Variants in CDK19 observed in about 807,000 individuals in gnomAD.
The protein encoded by CDK19 is cyclin-dependent kinase 19.
A neutral mutation model predicts 68.3 loss-of-function variants in CDK19; 20 were observed. The observed-to-expected ratio is 0.29, with a 90% confidence interval of 0.21 to 0.43. The LOEUF (loss-of-function observed/expected upper bound fraction) is 0.43, where lower values mean the gene tolerates loss of function less well. Ranked by LOEUF, CDK19 falls within the 20% of genes least tolerant of loss-of-function variation. CDK19 has a pLI of 1.00. For missense variants in CDK19, 339 were observed against 623.5 expected (o/e 0.54, Z 4.86); for synonymous variants, 221 against 222.8 (o/e 0.99, Z 0.07).
chr6:110,617,651 T>TTA (rs1164239935), intron 12 of CDK19, among the ~76,000 whole-genome samples: 8,994 of 98,496 alleles, frequency 0.091, 660 homozygotes, highest in Admixed American at 0.23. Flanking sequence ...ATAAAATTAT[T>TTA]TATATATATA....
intron 1 of CDK19, among the ~76,000 whole-genome samples, chr6:110,760,777 C>CTA (rs1316905233): frequency 2.0e-5 from 3 of 152,154 alleles, no homozygotes; most frequent in Non-Finnish European, 2.9e-5. Flanking sequence ...GAAGCAGGTA[C>CTA]TATTAACCAT....
At chr6:110,792,427 A>C (rs1372239550) in intron 1 of CDK19, among the ~76,000 whole-genome samples, 1 of 151,732 alleles carries the variant, frequency 6.6e-6, no homozygotes, top group Non-Finnish European at 1.5e-5. Context: ...TCTGTCACCC[A>C]GGCTGGAGTG....
intron 2 of CDK19, among the ~76,000 whole-genome samples, chr6:110,673,494 C>CT (rs1771192680): frequency 6.6e-6 from 1 of 151,378 alleles, no homozygotes; most frequent in South Asian, 2.1e-4. Flanking sequence ...TATGGTAACT[C>CT]TATGTTTAAT....
At chr6:110,754,142 G>A (rs767750559) in intron 1 of CDK19, among the ~76,000 whole-genome samples, 4 of 150,372 alleles carry the variant, frequency 2.7e-5, no homozygotes, top group Non-Finnish European at 4.4e-5. Flanking sequence ...CAATCCTCCC[G>A]CCTCAGCCTC....
chr6:110,759,064 C>A (rs1384918923), intron 1 of CDK19, among the ~76,000 whole-genome samples: 1 of 151,790 alleles, frequency 6.6e-6, no homozygotes, highest in African/African-American at 2.4e-5. Flanking sequence ...GAGTTTGAGA[C>A]CAGCCTGGTC....
intron 1 of CDK19, among the ~76,000 whole-genome samples, chr6:110,804,435 C>T (rs976292604): frequency 2.0e-4 from 30 of 151,722 alleles, no homozygotes; most frequent in Admixed American, 1.6e-3. Flanking sequence ...CTCTGCCTCC[C>T]GGGTTCAAGC....
At chr6:110,791,299 A>C (rs1272391633) in intron 1 of CDK19, among the ~76,000 whole-genome samples, 2 of 152,114 alleles carry the variant, frequency 1.3e-5, no homozygotes, top group Non-Finnish European at 2.9e-5. Context: ...AAAATGTAGA[A>C]CAGTGATTTT....
At chr6:110,626,728 T>A (rs929453445) in intron 8 of CDK19, 48 bp downstream of exon 8, 7 of 1,139,050 alleles carry the variant, frequency 6.1e-6, no homozygotes, top group Non-Finnish European at 8.8e-6. Context: ...GTCTAAGGTA[T>A]TTTTTTATAG....
chr6:110,719,534 T>TA (rs1266614323), intron 2 of CDK19, among the ~76,000 whole-genome samples: 3 of 151,808 alleles, frequency 2.0e-5, no homozygotes, highest in African/African-American at 7.3e-5. Context: ...AAAAAATAAA[T>TA]AAATAAATCT....
At chr6:110,761,492 G>C (rs941351491) in intron 1 of CDK19, among the ~76,000 whole-genome samples, 1 of 152,188 alleles carries the variant, frequency 6.6e-6, no homozygotes, top group African/African-American at 2.4e-5. Context: ...GGCAATGGGT[G>C]ATGGTGATAC....
chr6:110,751,394 T>C (rs1054245808), intron 1 of CDK19, among the ~76,000 whole-genome samples: 17 of 152,148 alleles, frequency 1.1e-4, no homozygotes, highest in Middle Eastern at 6.8e-3. Flanking sequence ...AAGAGACAGG[T>C]TGCATGCTCC....
rs141092838 is a variant in CDK19, at chr6:110,735,525, T to G, written c.204+10601A>C. Among the ~76,000 whole-genome samples the G allele has an allele frequency of 7.2e-5, 11 of 152,312 alleles. No homozygotes were observed. In the East Asian group the frequency reaches 1.9e-3, roughly 27 times the overall value. The stretch of plus-strand genomic sequence containing the variant: ...ATTTCATGAAGTCATAGTGAATCTA[T>G]GCCAAAAATCCCCCATTTTAGACAT... On this transcript the variant is annotated intron_variant, in intron 2 of 12. Coordinates refer to ENST00000368911, the MANE Select transcript of CDK19 (RefSeq NM_015076.5).
intron 2 of CDK19, among the ~76,000 whole-genome samples, chr6:110,698,685 T>C (rs544441464): frequency 6.6e-6 from 1 of 152,248 alleles, no homozygotes; most frequent in Admixed American, 6.5e-5. Context: ...AGTCATTATA[T>C]CAAAGGCAGC....
At chr6:110,736,742 T>C (rs1239016601) in intron 2 of CDK19, among the ~76,000 whole-genome samples, 1 of 152,150 alleles carries the variant, frequency 6.6e-6, no homozygotes, top group Non-Finnish European at 1.5e-5. Context: ...CCAATAATAA[T>C]ACCAACAACA....
chr6:110,767,763 T>C (rs962660222), intron 1 of CDK19, among the ~76,000 whole-genome samples: 2 of 152,178 alleles, frequency 1.3e-5, no homozygotes, highest in African/African-American at 2.4e-5. Context: ...ATACATGTAC[T>C]GGAGTATCAC....
intron 1 of CDK19, among the ~76,000 whole-genome samples, chr6:110,746,516 T>A (rs542233933): frequency 6.6e-6 from 1 of 152,296 alleles, no homozygotes; most frequent in East Asian, 1.9e-4. Flanking sequence ...TATTGCAAGA[T>A]AATTCCACTC....
intron 1 of CDK19, among the ~76,000 whole-genome samples, chr6:110,803,070 A>C (rs1487719458): frequency 5.9e-5 from 9 of 152,132 alleles, no homozygotes; most frequent in Non-Finnish European, 1.3e-4. Flanking sequence ...AGTAAGAAGG[A>C]AGGCTTTGAC....
At chr6:110,727,800 T>G (rs777200416) in intron 2 of CDK19, among the ~76,000 whole-genome samples, 11 of 150,816 alleles carry the variant, frequency 7.3e-5, no homozygotes, top group Non-Finnish European at 1.3e-4. Flanking sequence ...TACCGAGACC[T>G]CATCTCTACT....
intron 1 of CDK19, among the ~76,000 whole-genome samples, chr6:110,759,774 C>T (rs1311735432): frequency 1.3e-5 from 2 of 151,778 alleles, no homozygotes; most frequent in Admixed American, 1.3e-4. Context: ...TATAAATTGA[C>T]CTGAATTCAC....
Sources: allele counts gnomAD v4.1 joint callset (sites outside exome capture counted in the v4.1 genomes callset), GRCh38; gene constraint gnomAD v4.1.1; transcripts MANE v1.5; gene names NCBI Gene and HGNC (gene_info 2026-07-23, HGNC 2026-07-21).